VEPH1: variants seen among roughly 807,000 people sequenced by gnomAD.
The protein encoded by VEPH1 is ventricular zone-expressed PH domain-containing protein homolog 1.
A neutral mutation model predicts 85.2 loss-of-function variants in VEPH1; 80 were observed. The observed-to-expected ratio is 0.94, with a 90% CI of 0.78 to 1.13. VEPH1 has a LOEUF of 1.13. Among genes scored for constraint, VEPH1 ranks in the 50% most tolerant of loss-of-function variants. VEPH1 has a pLI of 0.00. For missense variants in VEPH1, 955 were observed against 980.5 expected, an observed-to-expected ratio of 0.97 and a Z score of 0.35; for synonymous variants, 297 against 348.0, an observed-to-expected ratio of 0.85 and a Z score of 1.63.
chr3:157,375,877 A>C (rs895574796), intron 7 of VEPH1, among the ~76,000 whole-genome samples: 9 of 152,212 alleles, frequency 5.9e-5, no homozygotes, highest in East Asian at 1.9e-4. Context: ...AACAAAAAAA[A>C]CGCAACATTC....
intron 1 of VEPH1, among the ~76,000 whole-genome samples, chr3:157,498,788 T>C (rs937972357): frequency 1.3e-5 from 2 of 152,176 alleles, no homozygotes; most frequent in Admixed American, 6.5e-5. Flanking sequence ...GCAGGGAAGG[T>C]CAAAGCCAGA....
intron 4 of VEPH1, among the ~76,000 whole-genome samples, chr3:157,440,895 T>C (rs998631482): frequency 7.2e-5 from 11 of 152,262 alleles, no homozygotes; most frequent in African/African-American, 1.9e-4. Flanking sequence ...ACCAGGCCCC[T>C]TGAAAGAATG....
At position 157,381,166 on chromosome 3, in the gene VEPH1, C is replaced by A; in HGVS notation, c.1117G>T (p.Gly373Ter). The A allele has an allele frequency of 7.4e-6, 12 of 1,613,402 alleles. No individual in the cohort carries two copies. The highest frequency in any genetic ancestry group is 1.0e-5 in the Non-Finnish European group (12 of 1,179,986). The change falls in exon 7 of 14, where the codon GGA becomes TGA. Residue 373 changes from glycine to a stop codon, truncating the protein, a stop_gained. Coordinates refer to ENST00000362010, the MANE Select transcript of VEPH1 (RefSeq NM_001167912.2). LOFTEE classifies it high-confidence loss of function. Reference sequence around the variant, plus strand: ...GAAGCTCTTGCTCACCTGCCACTTCCAGCCTTGGTATTTTCCAGTTGTCGG... The same window carrying A: ...GAAGCTCTTGCTCACCTGCCACTTCAAGCCTTGGTATTTTCCAGTTGTCGG... Reference protein sequence around the residue: ...LTRQLENTKAGSGRRKISTEI... With the variant: ...LTRQLENTKA
chr3:157,374,674 A>G (rs1727896012), intron 7 of VEPH1, among the ~76,000 whole-genome samples: 1 of 152,182 alleles, frequency 6.6e-6, no homozygotes, highest in Non-Finnish European at 1.5e-5. Flanking sequence ...AGCTCAGAGG[A>G]AAGCACAGAT....
At chr3:157,498,349 G>C (rs1393462389) in intron 1 of VEPH1, among the ~76,000 whole-genome samples, 2 of 152,198 alleles carry the variant, frequency 1.3e-5, no homozygotes, top group African/African-American at 4.8e-5. Context: ...GAGGGTCACA[G>C]GTGATAAAGT....
intron 9 of VEPH1, among the ~76,000 whole-genome samples, chr3:157,344,016 T>C (rs1328624428): frequency 2.0e-5 from 3 of 152,178 alleles, no homozygotes; most frequent in Non-Finnish European, 4.4e-5. Flanking sequence ...TAGGTATTGA[T>C]GGGACGTATC....
At chr3:157,437,629 G>C in intron 4 of VEPH1, 3 of 1,556,652 alleles carry the variant, frequency 1.9e-6, no homozygotes, top group Non-Finnish European at 1.7e-6. Flanking sequence ...CGTCCTGCGG[G>C]GCGAGCTGCA....
intron 9 of VEPH1, among the ~76,000 whole-genome samples, chr3:157,353,342 G>A (rs1725083732): frequency 6.6e-6 from 1 of 151,812 alleles, no homozygotes; most frequent in South Asian, 2.1e-4. Flanking sequence ...GCGCAATCTT[G>A]GCTCAACCTC....
chr3:157,502,650 A>AT (rs774953101), intron 1 of VEPH1, among the ~76,000 whole-genome samples: 12 of 152,110 alleles, frequency 7.9e-5, no homozygotes, highest in Admixed American at 5.2e-4. Context: ...TTCTCTAAAT[A>AT]TTTTTTTCTG....
intron 10 of VEPH1, 105 bp downstream of exon 10, chr3:157,316,957 T>C: frequency 8.3e-7 from 1 of 1,202,580 alleles, no homozygotes; most frequent in Non-Finnish European, 1.1e-6. Flanking sequence ...TGTATTGCTG[T>C]TATCTACATA....
chr3:157,503,127 G>A (rs1200163615), intron 1 of VEPH1, 150 bp downstream of exon 1: 1 of 152,110 alleles, frequency 6.6e-6, no homozygotes, highest in Admixed American at 6.6e-5. Flanking sequence ...GCTCCCAAAT[G>A]TGCTTTATCT....
chr3:157,472,036 G>A (rs1052138442), intron 2 of VEPH1, among the ~76,000 whole-genome samples: 1 of 152,094 alleles, frequency 6.6e-6, no homozygotes, highest in Admixed American at 6.6e-5. Context: ...TTCCTCATCC[G>A]TCCCAGTCCC....
intron 7 of VEPH1, among the ~76,000 whole-genome samples, chr3:157,369,179 T>TAAAAAAAAAAAAAAAA (rs1560000948): frequency 2.7e-4 from 4 of 15,064 alleles, no homozygotes; most frequent in African/African-American, 7.7e-4. Context: ...AAAAACCAAA[T>TAAAAAAAAAAAAAAAA]GAAAAAAAAA....
chr3:157,464,031 A>G (rs2109396031), intron 3 of VEPH1, among the ~76,000 whole-genome samples: 1 of 152,324 alleles, frequency 6.6e-6, no homozygotes. Flanking sequence ...ATGACACAAC[A>G]TTGAGCATCC....
At chr3:157,480,251 T>C (rs1020706098) in intron 2 of VEPH1, among the ~76,000 whole-genome samples, 1 of 152,064 alleles carries the variant, frequency 6.6e-6, no homozygotes, top group Admixed American at 6.6e-5. Context: ...CTTGTTTTTA[T>C]TTGTCTGGGA....
At chr3:157,429,290 A>G (rs987363479) in intron 4 of VEPH1, among the ~76,000 whole-genome samples, 4 of 152,080 alleles carry the variant, frequency 2.6e-5, no homozygotes, top group African/African-American at 9.7e-5. Context: ...AATTTTTTTG[A>G]CTCTACTTTT....
intron 1 of VEPH1, among the ~76,000 whole-genome samples, chr3:157,497,701 C>T (rs184762045): frequency 6.6e-6 from 1 of 152,168 alleles, no homozygotes; most frequent in Admixed American, 6.5e-5. Flanking sequence ...AGGAGCACCC[C>T]CAGGCTTTTC....
intron 2 of VEPH1, among the ~76,000 whole-genome samples, chr3:157,477,972 G>A (rs866609507): frequency 2.6e-5 from 4 of 152,222 alleles, no homozygotes; most frequent in Middle Eastern, 3.4e-3. Context: ...ATTATACAAA[G>A]CATACCATTT....
intron 4 of VEPH1, among the ~76,000 whole-genome samples, chr3:157,434,225 C>G (rs1733380529): frequency 6.6e-6 from 1 of 152,054 alleles, no homozygotes; most frequent in Non-Finnish European, 1.5e-5. Flanking sequence ...CAATTTAAAG[C>G]TTTTAACTTT....
Sources: gnomAD v4.1 joint callset for allele counts (sites outside exome capture counted in the v4.1 genomes callset) on GRCh38, gnomAD v4.1.1 for gene constraint, MANE v1.5 for transcripts, NCBI Gene and HGNC (gene_info 2026-07-23, HGNC 2026-07-21) for gene names.